The following JAK2 variants were observed in gnomAD, a reference collection of about 807,000 sequenced individuals.
The protein encoded by JAK2 is tyrosine-protein kinase JAK2.
JAK2 carries 86 observed loss-of-function variants against 139.3 expected under a neutral mutation model. The ratio of observed to expected loss-of-function variants is 0.62; its 90% CI spans 0.52 to 0.74. The LOEUF is 0.74. Among genes scored for constraint, JAK2 ranks in the 30% least tolerant of loss-of-function variants. The pLI is 0.00. For synonymous variants in JAK2, 490 were observed against 437.7 expected (o/e 1.12, Z -1.49); for missense variants, 1,421 against 1,360.3 (o/e 1.04, Z -0.70).
At chr9:5,034,836 C>G (rs886918752) in intron 4 of JAK2, among the ~76,000 whole-genome samples, 3 of 151,992 alleles carry the variant, frequency 2.0e-5, no homozygotes, top group Non-Finnish European at 2.9e-5. Context: ...ACTAGAAAAC[C>G]AAGAGCAAAC....
At chr9:5,121,617 G>A (rs1171000111) in intron 22 of JAK2, among the ~76,000 whole-genome samples, 2 of 152,090 alleles carry the variant, frequency 1.3e-5, no homozygotes, top group African/African-American at 4.8e-5. Context: ...AGACATTCAT[G>A]GGTCACAAAA....
At chr9:5,097,202 AC>A (rs1437746059) in intron 22 of JAK2, 4 of 151,682 alleles carry the variant, frequency 2.6e-5, no homozygotes, top group Admixed American at 6.6e-5. Context: ...AATATCAAAC[AC>A]CCCTTTTCGT....
chr9:5,111,069 G>A (rs1564014590), intron 22 of JAK2: 1 of 1,205,826 alleles, frequency 8.3e-7, no homozygotes, highest in Non-Finnish European at 1.2e-6. Flanking sequence ...TTGAGAACTG[G>A]CCCAGCTCAG....
intron 5 of JAK2, among the ~76,000 whole-genome samples, chr9:5,048,024 ATAGTT>A (rs1247148983): frequency 6.6e-6 from 1 of 152,108 alleles, no homozygotes; most frequent in African/African-American, 2.4e-5. Flanking sequence ...TCTCTAGTGA[ATAGTT>A]TATTATGTTT....
At chr9:5,087,055 C>A (rs1820175949) in intron 19 of JAK2, among the ~76,000 whole-genome samples, 1 of 152,106 alleles carries the variant, frequency 6.6e-6, no homozygotes, top group Non-Finnish European at 1.5e-5. Flanking sequence ...AGATATAAAT[C>A]TTTATTGTTT....
chr9:5,086,662 A>G (rs1248848033), intron 19 of JAK2, among the ~76,000 whole-genome samples: 4 of 152,158 alleles, frequency 2.6e-5, no homozygotes, highest in Non-Finnish European at 2.9e-5. Flanking sequence ...TTTGAACTCT[A>G]TAATCCCATG....
At chr9:5,108,543 ACT>A (rs1822162337) in intron 22 of JAK2, 1 of 151,888 alleles carries the variant, frequency 6.6e-6, no homozygotes, top group Non-Finnish European at 1.5e-5. Flanking sequence ...AGTAAAAATA[ACT>A]CTATTCGGAC....
intron 9 of JAK2, 138 bp downstream of exon 9, chr9:5,065,178 T>C (rs1006303802): frequency 5.2e-5 from 24 of 463,876 alleles, no homozygotes; most frequent in Non-Finnish European, 7.8e-5. Flanking sequence ...CTATTTGCAA[T>C]CAGATTACAT....
chr9:5,036,067 A>C (rs180750823), intron 4 of JAK2, among the ~76,000 whole-genome samples: 13 of 152,362 alleles, frequency 8.5e-5, no homozygotes, highest in African/African-American at 3.1e-4. Context: ...AAAAATCACA[A>C]GCGTTCTTAC....
rs1820518471 is a variant in JAK2, at chr9:5,090,850, G to C, written c.2998G>C (p.Val1000Leu). 6.2e-7 allele frequency: 1 copy of C among 1,612,980 alleles called. No individual in the cohort carries two copies. Among genetic ancestry groups the C allele is most frequent in the African/African-American group, 1.3e-5 (1 of 74,998 alleles). ...VKIGDFGLTK[V>L]LPQDKEYYKV... is the part of the protein sequence containing the mutation. Reference sequence around the variant, plus strand: ...AATTGGAGATTTTGGGTTAACCAAAGTCTTGCCACAAGACAAAGAATACTA... The same window carrying C: ...AATTGGAGATTTTGGGTTAACCAAACTCTTGCCACAAGACAAAGAATACTA... Residue 1000 changes from valine to leucine, a missense_variant, in exon 22 of 25, where the codon GTC becomes CTC. Transcript: ENST00000381652.
intron 13 of JAK2, among the ~76,000 whole-genome samples, chr9:5,073,061 G>A (rs760162181): frequency 3.3e-5 from 5 of 152,136 alleles, no homozygotes; most frequent in African/African-American, 9.7e-5. Flanking sequence ...GGCAGACCCC[G>A]TGGCCAGTTG....
chr9:5,102,829 C>T (rs1014181293), intron 22 of JAK2, among the ~76,000 whole-genome samples: 2 of 152,126 alleles, frequency 1.3e-5, no homozygotes, highest in Admixed American at 6.5e-5. Context: ...AAATCCTTTA[C>T]AGACAAGCAA....
rs1305458955 is a variant in JAK2, at chr9:5,044,497, G to A, written c.445G>A (p.Val149Ile). The A allele has an allele frequency of 1.2e-6, 2 of 1,606,968 alleles. No individual in the cohort carries two copies. Among genetic ancestry groups the A allele is most frequent in the Admixed American group, 3.4e-5 (2 of 59,580 alleles). Residue 149 changes from valine to isoleucine, a missense_variant, in exon 5 of 25, where the codon GTC becomes ATC. Val to Ile is a conservative substitution (Grantham distance 29). Transcript: ENST00000381652. ...GAEAPLLDDF[V>I]MSYLFAQWRH... ...TGAAGCTCCTCTTCTTGATGACTTT[G>A]TCATGTCTTACCTCTTTGCTCAGGT...
At chr9:5,023,093 A>G (rs1013777651) in intron 3 of JAK2, among the ~76,000 whole-genome samples, 7 of 152,136 alleles carry the variant, frequency 4.6e-5, no homozygotes, top group African/African-American at 1.4e-4. Context: ...TCTTCTATCA[A>G]ACATTTGAAC....
At chr9:5,080,716 G>T in intron 18 of JAK2, 33 bp downstream of exon 18, 2 of 1,455,316 alleles carry the variant, frequency 1.4e-6, no homozygotes, top group South Asian at 1.4e-5. Flanking sequence ...TGATTTTCCA[G>T]CTTTCTATCT....
chr9:5,036,931 C>A (rs1361100695), intron 4 of JAK2, among the ~76,000 whole-genome samples: 3 of 152,172 alleles, frequency 2.0e-5, no homozygotes, highest in Non-Finnish European at 4.4e-5. Context: ...AGGCAACCTA[C>A]AGAATGGGAG....
chr9:5,017,473 G>C (rs1822142915), intron 2 of JAK2, among the ~76,000 whole-genome samples: 1 of 152,044 alleles, frequency 6.6e-6, no homozygotes. Context: ...CATTTTTATA[G>C]TTTCTATGTC....
chr9:5,029,529 G>A (rs529644890), intron 3 of JAK2, among the ~76,000 whole-genome samples: 5 of 152,040 alleles, frequency 3.3e-5, no homozygotes, highest in Admixed American at 2.6e-4. Context: ...TCCTTATTTT[G>A]TAAAGAAAAA....
At chr9:5,077,994 G>T (rs1319958639) in intron 15 of JAK2, among the ~76,000 whole-genome samples, 3 of 152,162 alleles carry the variant, frequency 2.0e-5, no homozygotes, top group Admixed American at 1.3e-4. Context: ...TCCTGCTGCA[G>T]AACTGAAGTA....
Sources: allele counts gnomAD v4.1 joint callset (sites outside exome capture counted in the v4.1 genomes callset), GRCh38; gene constraint gnomAD v4.1.1; transcripts MANE v1.5; gene names NCBI Gene and HGNC (gene_info 2026-07-23, HGNC 2026-07-21).